Variants in PCDHGB1 observed in about 807,000 individuals in gnomAD.
The protein encoded by PCDHGB1 is protocadherin gamma subfamily B, 1, also known as protocadherin gamma-B1.
PCDHGB1 carries 34 observed loss-of-function variants against 56.6 expected under a neutral mutation model. That is an observed-to-expected ratio of 0.60 (90% CI 0.46 to 0.80). The LOEUF is 0.80. PCDHGB1 is among the 30% of genes least tolerant of loss of function. PCDHGB1 has a pLI of 0.00. For synonymous variants in PCDHGB1, 561 were observed against 505.9 expected (o/e 1.11, Z -1.46); for missense variants, 1,278 against 1,204.6 (o/e 1.06, Z -0.90).
intron 1 of PCDHGB1, chr5:141,398,456 C>A (rs1262009079): frequency 6.3e-7 from 1 of 1,590,134 alleles, no homozygotes; most frequent in Non-Finnish European, 8.6e-7. Context: ...GAGGCTGTTG[C>A]TGAAAATCCA....
At chr5:141,399,350 G>T (rs746925566) in intron 1 of PCDHGB1, 2 of 1,613,964 alleles carry the variant, frequency 1.2e-6, no homozygotes, top group East Asian at 2.2e-5. Flanking sequence ...ACCCTAGACC[G>T]AGAGCAAACC....
chr5:141,392,857 T>TGCTGTGC, intron 1 of PCDHGB1: 1 of 1,612,536 alleles, frequency 6.2e-7, no homozygotes, highest in Non-Finnish European at 8.5e-7. Flanking sequence ...GAGCTGATCC[T>TGCTGTGC]GCTGTGCGCG....
At position 141,491,686 on chromosome 5, in the gene PCDHGB1, C is replaced by CG; in HGVS notation, c.2410-3118dup. 1 of 1,612,970 alleles carries CG rather than the reference C, an allele frequency of 6.2e-7. No individual in the cohort carries two copies. The highest frequency in any genetic ancestry group is 2.2e-5 in the East Asian group (1 of 44,838). ...CATCCGGTCCCGCTCTAATACGCTG[C>CG]GGGAGCGGAGCCAGGTGAGGGGCTC... On this transcript the variant is annotated intron_variant, in intron 1 of 3. Transcript: ENST00000523390. The surrounding 1 kb of genome is among the most constrained non-coding windows in gnomAD (Gnocchi z 6.9).
Position 141,487,399 on chromosome 5 carries a change from G to T in PCDHGB1, c.2410-7408G>T, listed in dbSNP as rs749826036. 6.2e-7 allele frequency: 1 copy of T among 1,614,140 alleles called. No individual in the cohort carries two copies. The highest frequency in any genetic ancestry group is 8.5e-7 in the Non-Finnish European group (1 of 1,180,014). ...TCACCAGATCTCGAAGGAGGGAGGG[G>T]CTTCCCCCTTCCAATGGGATCCTCC... On this transcript the variant is annotated intron_variant, in intron 1 of 3. Transcript: ENST00000523390. The surrounding 1 kb of genome is among the most constrained non-coding windows in gnomAD (Gnocchi z 5.0).
chr5:141,372,253 G>A (rs1768545048), intron 1 of PCDHGB1: 2 of 1,613,040 alleles, frequency 1.2e-6, no homozygotes, highest in African/African-American at 2.7e-5. Flanking sequence ...TTCAGCCTGG[G>A]CCTGCGCACG....
rs747064148 is a variant in PCDHGB1, at chr5:141,395,059, T to C, written c.2409+42390T>C. 1 of 1,614,180 alleles carries C rather than the reference T, an allele frequency of 6.2e-7. No individual in the cohort carries two copies. The stretch of plus-strand genomic sequence containing the variant: ...GTGGGTGTTGAGGAGGTACAGGCTT[T>C]CCTGCAGACCTATTCCCAGGAAGTC... On this transcript the variant is annotated intron_variant, in intron 1 of 3. Transcript: ENST00000523390.
At chr5:141,361,363 C>G in intron 1 of PCDHGB1, 1 of 1,614,002 alleles carries the variant, frequency 6.2e-7, no homozygotes, top group South Asian at 1.1e-5. Context: ...AGACGGCGCT[C>G]TGGACCGGGA....
intron 1 of PCDHGB1, chr5:141,389,866 T>C: frequency 6.2e-7 from 1 of 1,614,082 alleles, no homozygotes; most frequent in South Asian, 1.1e-5. Context: ...TTGCACCTGG[T>C]CTTCGCCGAC....
chr5:141,418,228 T>C, intron 1 of PCDHGB1: 2 of 1,613,990 alleles, frequency 1.2e-6, no homozygotes, highest in Non-Finnish European at 1.7e-6. Context: ...TTGTGGTGAT[T>C]GAGGATGTTA....
rs2233605 is a variant in PCDHGB1 at position 141,490,412 on chromosome 5, C to A, written c.2410-4395C>A. ...GGTGAAGTGAGCCTTGATATCTCTC[C>A]GGACCTGCCATTTCAGATTAAGCCT... On this transcript the variant is annotated intron_variant, in intron 1 of 3. Transcript: ENST00000523390. This position sits in a 1 kb window ranked among gnomAD's most constrained non-coding sequence, Gnocchi z 5.4. 1.3e-4 allele frequency: 203 copies of A among 1,614,064 alleles called. 1 individual carries two copies. The highest frequency in any genetic ancestry group is 3.5e-4 in the South Asian group (32 of 91,086).
intron 1 of PCDHGB1, chr5:141,367,567 A>C (rs1357501052): frequency 1.3e-5 from 2 of 150,962 alleles, no homozygotes; most frequent in Non-Finnish European, 3.0e-5. Flanking sequence ...TAAATAAATA[A>C]ATAAATATCA....
chr5:141,478,415 C>G (rs182700706), intron 1 of PCDHGB1: 5 of 1,613,648 alleles, frequency 3.1e-6, no homozygotes, highest in Non-Finnish European at 4.2e-6. Context: ...CACGGACTCC[C>G]GCCGCAGCGA....
intron 2 of PCDHGB1, among the ~76,000 whole-genome samples, chr5:141,498,451 T>C (rs1426888821): frequency 6.6e-6 from 1 of 152,126 alleles, no homozygotes; most frequent in Non-Finnish European, 1.5e-5. Context: ...AGGTTCCTTT[T>C]ATCCAGTCTA....
intron 1 of PCDHGB1, among the ~76,000 whole-genome samples, chr5:141,474,143 TATC>T (rs1371874237): frequency 1.3e-5 from 2 of 152,188 alleles, no homozygotes; most frequent in Non-Finnish European, 2.9e-5. Context: ...CAGGCCTTAT[TATC>T]AAGAAAATGA....
Position 141,432,917 on chromosome 5 carries a change from C to A in PCDHGB1, c.2410-61890C>A. 6.2e-7 allele frequency: 1 copy of A among 1,614,166 alleles called. No homozygotes were observed. Among genetic ancestry groups the A allele is most frequent in the South Asian group, 1.1e-5 (1 of 91,086 alleles). On this transcript the variant is annotated intron_variant, in intron 1 of 3. Transcript: ENST00000523390. This position sits in a 1 kb window ranked among gnomAD's most constrained non-coding sequence, Gnocchi z 6.0. The stretch of plus-strand genomic sequence containing the variant: ...GCTGGCGCTCAGGCTGCGGCGCTGG[C>A]ACAAGTCACGCCTGCTGCAGGCTTC...
chr5:141,382,530 G>T (rs1043069134), intron 1 of PCDHGB1, among the ~76,000 whole-genome samples: 2 of 152,150 alleles, frequency 1.3e-5, no homozygotes, highest in Non-Finnish European at 2.9e-5. Context: ...GTCTTAAAAT[G>T]GATTTTTAAT....
chr5:141,393,261 G>A lies in PCDHGB1; in HGVS notation c.2409+40592G>A, dbSNP rs567943150. 16 of 1,613,898 alleles carry A rather than the reference G, an allele frequency of 9.9e-6. 1 individual carries two copies. Among genetic ancestry groups the A allele is most frequent in the South Asian group, 1.1e-5 (1 of 91,090 alleles). ...AATTAACGAAATCGCGGTTCCTGGAGCACGTTATCCACTCCCAGAAGCTGT... is the reference window on the plus strand; with the variant it reads ...AATTAACGAAATCGCGGTTCCTGGAACACGTTATCCACTCCCAGAAGCTGT... On this transcript the variant is annotated intron_variant, in intron 1 of 3. Transcript: ENST00000523390.
chr5:141,401,613 G>A (rs906957282), intron 1 of PCDHGB1, among the ~76,000 whole-genome samples: 1 of 152,162 alleles, frequency 6.6e-6, no homozygotes, highest in Admixed American at 6.5e-5. Flanking sequence ...AAAAGACACC[G>A]GATTTGTCTT....
chr5:141,403,079 T>A (rs770770660), intron 1 of PCDHGB1: 1 of 1,614,064 alleles, frequency 6.2e-7, no homozygotes, highest in East Asian at 2.2e-5. Context: ...AGAAAAGGGC[T>A]ATATTGTGGG....
Sources: allele counts gnomAD v4.1 joint callset (sites outside exome capture counted in the v4.1 genomes callset), GRCh38; gene constraint gnomAD v4.1.1; non-coding constraint Gnocchi (gnomAD v3.1); transcripts MANE v1.5; gene names NCBI Gene and HGNC (gene_info 2026-07-23, HGNC 2026-07-21).